MGAT4C: variants seen among roughly 807,000 people sequenced by gnomAD.
The protein encoded by MGAT4C is alpha-1,3-mannosyl-glycoprotein 4-beta-N-acetylglucosaminyltransferase C.
A neutral mutation model predicts 40.1 loss-of-function variants in MGAT4C; 19 were observed. The ratio of observed to expected loss-of-function variants is 0.47; its 90% confidence interval spans 0.33 to 0.70. The LOEUF is 0.70. Among genes scored for constraint, MGAT4C ranks in the 30% least tolerant of loss-of-function variants. The pLI is 0.02. For synonymous variants in MGAT4C, 181 were observed against 187.1 expected (o/e 0.97, Z 0.27); for missense variants, 491 against 563.2 (o/e 0.87, Z 1.30).
At chr12:85,987,804 T>C (rs1275190058) in intron 3 of MGAT4C, among the ~76,000 whole-genome samples, 2 of 152,230 alleles carry the variant, frequency 1.3e-5, no homozygotes, top group Non-Finnish European at 2.9e-5. Context: ...CACTGGAAAC[T>C]GTCTTATAAA....
At chr12:86,750,441 T>A (rs1050044695) in intron 1 of MGAT4C, among the ~76,000 whole-genome samples, 2 of 151,898 alleles carry the variant, frequency 1.3e-5, no homozygotes, top group Non-Finnish European at 2.9e-5. Flanking sequence ...ACCTTCATTA[T>A]TTTTTGACTC....
chr12:86,099,428 T>C (rs1349164506), intron 1 of MGAT4C, among the ~76,000 whole-genome samples: 1 of 151,048 alleles, frequency 6.6e-6, no homozygotes. Context: ...CTTTTTCTTT[T>C]TTATTTATTA....
intron 1 of MGAT4C, among the ~76,000 whole-genome samples, chr12:86,175,547 A>C (rs1050122906): frequency 2.6e-5 from 4 of 152,134 alleles, no homozygotes; most frequent in African/African-American, 9.7e-5. Context: ...TCTAGAGTTT[A>C]CATATTCAGG....
intron 2 of MGAT4C, among the ~76,000 whole-genome samples, chr12:86,452,553 G>A (rs993350849): frequency 6.6e-6 from 1 of 151,826 alleles, no homozygotes; most frequent in African/African-American, 2.4e-5. Context: ...GGTGGAAAAT[G>A]CCTCAAAGTA....
intron 1 of MGAT4C, among the ~76,000 whole-genome samples, chr12:86,192,281 G>A (rs1056063800): frequency 5.3e-5 from 8 of 152,046 alleles, no homozygotes; most frequent in African/African-American, 1.9e-4. Flanking sequence ...AAGAGTGTCT[G>A]CTTTAACATT....
At chr12:86,734,040 G>T (rs146784451) in intron 1 of MGAT4C, among the ~76,000 whole-genome samples, 7 of 152,204 alleles carry the variant, frequency 4.6e-5, no homozygotes, top group African/African-American at 1.7e-4. Context: ...GCTAAGGTAG[G>T]ATGGGAATAT....
chr12:86,328,004 T>A (rs1954565714), intron 4 of MGAT4C, among the ~76,000 whole-genome samples: 1 of 152,206 alleles, frequency 6.6e-6, no homozygotes. Context: ...CCTCCCATTT[T>A]CAAAGTTTGT....
At chr12:86,509,958 T>G (rs111685611) in intron 2 of MGAT4C, among the ~76,000 whole-genome samples, 1 of 152,158 alleles carries the variant, frequency 6.6e-6, no homozygotes, top group African/African-American at 2.4e-5. Context: ...AAGGAGATTT[T>G]GGGCTGAGAC....
chr12:86,774,382 C>CTG (rs779020082), intron 1 of MGAT4C, among the ~76,000 whole-genome samples: 1 of 77,054 alleles, frequency 1.3e-5, no homozygotes, highest in Admixed American at 1.9e-4. Context: ...TTCTGTCTGT[C>CTG]TCTCTCTCTC....
At chr12:86,073,345 T>G (rs1438877679) in intron 1 of MGAT4C, among the ~76,000 whole-genome samples, 3 of 152,186 alleles carry the variant, frequency 2.0e-5, no homozygotes, top group Non-Finnish European at 4.4e-5. Flanking sequence ...ATCAGTAGCA[T>G]GAGAACTGAC....
At position 86,173,446 on chromosome 12, in the gene MGAT4C, A is replaced by G. The variant is rs937917691; in HGVS notation, c.-57+82793T>C. ...AGAACAACTATTTAAGGATATTTCA[A>G]TTAACTACTTTATTTTTATTCAAAA... is the stretch of plus-strand genomic sequence containing the variant. On this transcript the variant is annotated intron_variant, in intron 1 of 4. Transcript: ENST00000611864. Among the ~76,000 whole-genome samples the G allele has an allele frequency of 7.9e-5, 12 of 152,250 alleles. No homozygotes were observed. In the East Asian group the frequency reaches 9.6e-4, roughly 12 times the overall value.
rs907796374 is a variant in MGAT4C at position 85,957,898 on chromosome 12, T to G, written c.*21391A>C. 1 of 152,158 alleles carries G rather than the reference T, an allele frequency of 6.6e-6. No individual in the cohort carries two copies. The highest frequency in any genetic ancestry group is 2.4e-5 in the African/African-American group (1 of 41,440). The allele number at this position is 152,158 out of a possible 1,614,324, so 9.4% of individuals were successfully genotyped here. ...GCTTTTTCTCCAAGAAAATTTGGAA[T>G]GTTTTCATCTGACATAAATTATTTT... is the stretch of plus-strand genomic sequence containing the variant. On this transcript the variant is annotated 3_prime_UTR_variant, in exon 5 of 5. Coordinates refer to ENST00000611864, the MANE Select transcript of MGAT4C (RefSeq NM_001351288.2).
chr12:86,789,276 C>G (rs2136191256), intron 1 of MGAT4C, among the ~76,000 whole-genome samples: 1 of 151,472 alleles, frequency 6.6e-6, no homozygotes, highest in South Asian at 2.1e-4. Flanking sequence ...TCAACCTTCA[C>G]TAGACTACTA....
intron 4 of MGAT4C, among the ~76,000 whole-genome samples, chr12:86,311,813 C>T (rs1954083438): frequency 6.6e-6 from 1 of 152,152 alleles, no homozygotes; most frequent in South Asian, 2.1e-4. Flanking sequence ...TCCCCACTTC[C>T]CCATCTTGGG....
intron 1 of MGAT4C, among the ~76,000 whole-genome samples, chr12:86,103,542 A>C (rs1875518435): frequency 6.6e-6 from 1 of 152,130 alleles, no homozygotes; most frequent in Non-Finnish European, 1.5e-5. Context: ...CACCTTGCTG[A>C]TGTCTTGATT....
chr12:86,075,233 G>T (rs1409411513), intron 1 of MGAT4C, among the ~76,000 whole-genome samples: 1 of 152,060 alleles, frequency 6.6e-6, no homozygotes, highest in Non-Finnish European at 1.5e-5. Flanking sequence ...ACGCCAAGGG[G>T]TTACAGGACC....
At chr12:86,763,229 C>T (rs769340327) in intron 1 of MGAT4C, among the ~76,000 whole-genome samples, 1 of 152,154 alleles carries the variant, frequency 6.6e-6, no homozygotes, top group Non-Finnish European at 1.5e-5. Flanking sequence ...TGTGAATTAT[C>T]TCTCTGGCTT....
chr12:86,612,290 G>A (rs1962308843), intron 2 of MGAT4C, among the ~76,000 whole-genome samples: 1 of 152,020 alleles, frequency 6.6e-6, no homozygotes, highest in South Asian at 2.1e-4. Context: ...AAAATCATAT[G>A]CATGCTTAAA....
intron 1 of MGAT4C, among the ~76,000 whole-genome samples, chr12:86,241,658 C>G (rs1178853953): frequency 6.6e-6 from 1 of 152,136 alleles, no homozygotes; most frequent in Non-Finnish European, 1.5e-5. Flanking sequence ...TCGCTTAGAT[C>G]AGTAGAGAGT....
Sources: allele counts gnomAD v4.1 joint callset (sites outside exome capture counted in the v4.1 genomes callset), GRCh38; gene constraint gnomAD v4.1.1; transcripts MANE v1.5; gene names NCBI Gene and HGNC (gene_info 2026-07-23, HGNC 2026-07-21).